Variants in HCN1 observed in about 807,000 individuals in gnomAD.
HCN1 encodes the protein potassium/sodium hyperpolarization-activated cyclic nucleotide-gated channel 1.
HCN1 carries 13 observed loss-of-function variants against 78.9 expected under a neutral mutation model. The ratio of observed to expected loss-of-function variants is 0.16; its 90% CI spans 0.11 to 0.26. The LOEUF is 0.26. HCN1 is among the 10% of genes least tolerant of loss of function. The pLI is 1.00. For synonymous variants in HCN1, 552 were observed against 455.5 expected, an observed-to-expected ratio of 1.21 and a Z score of -2.70; for missense variants, 810 against 1,154.3, an observed-to-expected ratio of 0.70 and a Z score of 4.32.
chr5:45,572,175 C>T (rs1743850082), intron 2 of HCN1, among the ~76,000 whole-genome samples: 1 of 151,980 alleles, frequency 6.6e-6, no homozygotes, highest in African/African-American at 2.4e-5. Context: ...TTATTAATGC[C>T]AAAGGATAAA....
chr5:45,611,325 G>A (rs1288948462), intron 2 of HCN1, among the ~76,000 whole-genome samples: 26 of 136,200 alleles, frequency 1.9e-4, no homozygotes, highest in Non-Finnish European at 3.7e-4. Flanking sequence ...AGGCTGGAGT[G>A]CAGTGACACA....
chr5:45,373,815 T>A (rs1031437772), intron 4 of HCN1, among the ~76,000 whole-genome samples: 8 of 124,466 alleles, frequency 6.4e-5, no homozygotes, highest in African/African-American at 2.5e-4. Context: ...ATATATTACA[T>A]ACGGTATATA....
At chr5:45,508,390 C>T (rs1156443757) in intron 2 of HCN1, among the ~76,000 whole-genome samples, 1 of 152,086 alleles carries the variant, frequency 6.6e-6, no homozygotes, top group Admixed American at 6.6e-5. Context: ...TTAGATTACA[C>T]CACCTGTTTT....
chr5:45,657,823 A>T (rs1223510061), intron 1 of HCN1, among the ~76,000 whole-genome samples: 1 of 152,222 alleles, frequency 6.6e-6, no homozygotes, highest in South Asian at 2.1e-4. Flanking sequence ...GCCCAAGGTA[A>T]TTTATAGATT....
At chr5:45,368,739 T>C (rs1402610118) in intron 4 of HCN1, among the ~76,000 whole-genome samples, 1 of 152,048 alleles carries the variant, frequency 6.6e-6, no homozygotes, top group African/African-American at 2.4e-5. Context: ...GATGAGTTTC[T>C]ACCGGGAGCT....
At chr5:45,361,921 A>T (rs1435956991) in intron 4 of HCN1, among the ~76,000 whole-genome samples, 3 of 152,168 alleles carry the variant, frequency 2.0e-5, no homozygotes, top group Non-Finnish European at 4.4e-5. Flanking sequence ...AATTAGAAGA[A>T]AATCCTTGAT....
At chr5:45,419,800 T>C (rs927420834) in intron 3 of HCN1, among the ~76,000 whole-genome samples, 2 of 152,190 alleles carry the variant, frequency 1.3e-5, no homozygotes, top group Non-Finnish European at 2.9e-5. Context: ...TTTCTGGGTT[T>C]TAGCATTGGT....
At chr5:45,370,717 A>G (rs1747336725) in intron 4 of HCN1, among the ~76,000 whole-genome samples, 1 of 151,994 alleles carries the variant, frequency 6.6e-6, no homozygotes, top group African/African-American at 2.4e-5. Context: ...AGAGCTAGCT[A>G]TTGTCATGCG....
At position 45,550,652 on chromosome 5, in the gene HCN1, A is replaced by G. The variant is rs557887404; in HGVS notation, c.850-88645T>C. On this transcript the variant is annotated intron_variant, in intron 2 of 7. Transcript: ENST00000303230. ...CTAAAACTTAAAGTATAATTTTTAA[A>G]AAAAGGTAATGGATGAGTTTTTCAT... is the stretch of plus-strand genomic sequence containing the variant. Among the ~76,000 whole-genome samples, 196 of 152,246 alleles carry G rather than the reference A, an allele frequency of 1.3e-3. 1 individual carries two copies. Among genetic ancestry groups the G allele is most frequent in the African/African-American group, 4.3e-3 (180 of 41,564 alleles).
chr5:45,617,902 A>G (rs34657289), intron 2 of HCN1, among the ~76,000 whole-genome samples: 2 of 151,960 alleles, frequency 1.3e-5, no homozygotes, highest in African/African-American at 2.4e-5. Flanking sequence ...CCCCAACCCA[A>G]CCTGTTCCAG....
At chr5:45,467,950 G>A (rs1211347060) in intron 2 of HCN1, among the ~76,000 whole-genome samples, 1 of 151,864 alleles carries the variant, frequency 6.6e-6, no homozygotes, top group Non-Finnish European at 1.5e-5. Flanking sequence ...GGAACTTTGA[G>A]ACACAGAGAG....
intron 4 of HCN1, among the ~76,000 whole-genome samples, chr5:45,378,662 G>A (rs1747740322): frequency 6.6e-6 from 1 of 152,086 alleles, no homozygotes; most frequent in African/African-American, 2.4e-5. Flanking sequence ...TAGGGTACAT[G>A]TGCACAACGT....
At chr5:45,471,653 C>T (rs1388970630) in intron 2 of HCN1, among the ~76,000 whole-genome samples, 1 of 151,842 alleles carries the variant, frequency 6.6e-6, no homozygotes, top group African/African-American at 2.4e-5. Context: ...GAACCATGAA[C>T]GTTTATCTTA....
chr5:45,605,547 CTAG>C (rs748811120), intron 2 of HCN1, among the ~76,000 whole-genome samples: 2 of 151,380 alleles, frequency 1.3e-5, no homozygotes, highest in Non-Finnish European at 2.9e-5. Flanking sequence ...CTGAAGAAAA[CTAG>C]TGTCAGAGTA....
chr5:45,541,038 C>T lies in HCN1; in HGVS notation c.850-79031G>A, dbSNP rs188336899. On this transcript the variant is annotated intron_variant, in intron 2 of 7. Transcript: ENST00000303230. ...CACACAAAACTTATTTAGTGCTCAC[C>T]ACAAACTTATTTTAGCCATGCAGAA... 6.6e-5 allele frequency among the ~76,000 whole-genome samples: 10 copies of T among 152,068 alleles called. No homozygotes were observed. In the East Asian group the frequency reaches 1.7e-3, roughly 26 times the overall value.
intron 5 of HCN1, among the ~76,000 whole-genome samples, chr5:45,324,458 T>C (rs1746195754): frequency 6.6e-6 from 1 of 151,874 alleles, no homozygotes; most frequent in Admixed American, 6.6e-5. Context: ...TGAGATACCA[T>C]CTCACACCAG....
intron 1 of HCN1, among the ~76,000 whole-genome samples, chr5:45,689,332 T>G (rs565085851): frequency 6.6e-6 from 1 of 152,218 alleles, no homozygotes; most frequent in South Asian, 2.1e-4. Context: ...TAAGAAAGTT[T>G]GGCAAGAAAA....
chr5:45,464,558 C>A (rs920236250), intron 2 of HCN1, among the ~76,000 whole-genome samples: 2 of 152,100 alleles, frequency 1.3e-5, no homozygotes, highest in African/African-American at 2.4e-5. Context: ...AAGGTACAAG[C>A]AAGTTGGGTA....
intron 1 of HCN1, among the ~76,000 whole-genome samples, chr5:45,657,931 A>C (rs1745808461): frequency 1.3e-5 from 2 of 152,240 alleles, no homozygotes; most frequent in African/African-American, 4.8e-5. Flanking sequence ...CTGCATCGCC[A>C]AGTCAATCCT....
Sources: gnomAD v4.1 joint callset for allele counts (sites outside exome capture counted in the v4.1 genomes callset) on GRCh38, gnomAD v4.1.1 for gene constraint, MANE v1.5 for transcripts, NCBI Gene and HGNC (gene_info 2026-07-23, HGNC 2026-07-21) for gene names.